The following AOAH variants were observed in gnomAD, a reference collection of about 807,000 sequenced individuals.
AOAH encodes acyloxyacyl hydrolase.
AOAH carries 64 observed loss-of-function variants against 92.2 expected under a neutral mutation model. The observed-to-expected ratio is 0.69, with a 90% CI of 0.57 to 0.86. The LOEUF (loss-of-function observed/expected upper bound fraction) is 0.86, where lower values mean the gene tolerates loss of function less well. Ranked by LOEUF, AOAH falls within the 40% of genes least tolerant of loss-of-function variation. The probability of loss-of-function intolerance (pLI) is 0.00; values close to 1 mark genes in which losing one functional copy is unlikely to be tolerated. For missense variants in AOAH, 656 were observed against 694.6 expected, an observed-to-expected ratio of 0.94 and a Z score of 0.62; for synonymous variants, 263 against 254.5, an observed-to-expected ratio of 1.03 and a Z score of -0.32.
At chr7:36,624,442 G>A (rs1792490684) in intron 6 of AOAH, among the ~76,000 whole-genome samples, 1 of 152,206 alleles carries the variant, frequency 6.6e-6, no homozygotes, top group African/African-American at 2.4e-5. Flanking sequence ...TATGAACTCT[G>A]GGATGGGACA....
At chr7:36,722,280 C>T (rs1004480595) in intron 1 of AOAH, among the ~76,000 whole-genome samples, 1 of 152,144 alleles carries the variant, frequency 6.6e-6, no homozygotes, top group Non-Finnish European at 1.5e-5. Context: ...CTCCCCAACA[C>T]CTCCTTCTTA....
chr7:36,608,432 G>A (rs1325468820), intron 11 of AOAH, among the ~76,000 whole-genome samples: 2 of 152,222 alleles, frequency 1.3e-5, no homozygotes, highest in African/African-American at 4.8e-5. Flanking sequence ...AGAAATATTG[G>A]TGGTGGGAAG....
At position 36,724,139 on chromosome 7, in the gene AOAH, G is replaced by A; in HGVS notation, c.10C>T (p.Pro4Ser). 6.2e-7 allele frequency: 1 copy of A among 1,613,208 alleles called. No homozygotes were observed. Among genetic ancestry groups the A allele is most frequent in the Non-Finnish European group, 8.5e-7 (1 of 1,179,450 alleles). ...GGCGCCACCGTAAGGATTTTCCAGG[G>A]GGACTGCATCTCCGAGCTATGCACC... MQS[P>S]WKILTVAPLF... The change falls in exon 1 of 21, where the codon CCC becomes TCC. Residue 4 changes from proline to serine, a missense_variant. Pro to Ser is a moderately conservative substitution (Grantham distance 74, BLOSUM62 -1). Transcript: ENST00000617537.
At chr7:36,608,741 G>A (rs928915849) in intron 11 of AOAH, among the ~76,000 whole-genome samples, 9 of 152,290 alleles carry the variant, frequency 5.9e-5, no homozygotes, top group South Asian at 4.2e-4. Flanking sequence ...TTGGCATGTG[G>A]CTATCAGTAG....
chr7:36,601,686 C>A (rs1429516950), intron 11 of AOAH, among the ~76,000 whole-genome samples: 1 of 152,196 alleles, frequency 6.6e-6, no homozygotes, highest in Non-Finnish European at 1.5e-5. Context: ...GCATTAAGGG[C>A]AGTCCAGAGT....
intron 1 of AOAH, among the ~76,000 whole-genome samples, chr7:36,716,151 A>C: frequency 6.6e-6 from 1 of 152,240 alleles, no homozygotes; most frequent in Admixed American, 6.5e-5. Context: ...CAACCCCATC[A>C]AAAAGTGGGC....
At chr7:36,605,525 T>C (rs1326550975) in intron 11 of AOAH, among the ~76,000 whole-genome samples, 2 of 152,230 alleles carry the variant, frequency 1.3e-5, no homozygotes, top group Non-Finnish European at 2.9e-5. Context: ...TGCCTCCTGA[T>C]ACAGAAGTCT....
chr7:36,526,235 A>G (rs553014900), intron 19 of AOAH, among the ~76,000 whole-genome samples: 2 of 152,080 alleles, frequency 1.3e-5, no homozygotes, highest in Non-Finnish European at 2.9e-5. Flanking sequence ...TAAGACTACA[A>G]CCTGTTTATT....
intron 14 of AOAH, 53 bp from the exon 15 acceptor site, chr7:36,548,739 G>T (rs879142289): frequency 8.5e-6 from 13 of 1,521,428 alleles, no homozygotes; most frequent in African/African-American, 1.4e-5. Flanking sequence ...ACCTAGCTTT[G>T]TAGCCAGTGA....
At position 36,621,754 on chromosome 7, in the gene AOAH, C is replaced by A; in HGVS notation, c.609G>T (p.Gly203=). The A allele has an allele frequency of 6.2e-7, 1 of 1,614,158 alleles. No individual in the cohort carries two copies. Among genetic ancestry groups the A allele is most frequent in the South Asian group, 1.1e-5 (1 of 91,090 alleles). The change falls in exon 8 of 21, where the codon GGG becomes GGT. Residue 203 remains glycine, a synonymous_variant. Transcript: ENST00000617537. Reference sequence around the variant, plus strand: ...ACTCGTCGCTGTCATTACAGTCTCTCCCCCGCCAGTGATAGCCCCGCAGTG... The same window carrying A: ...ACTCGTCGCTGTCATTACAGTCTCTACCCCGCCAGTGATAGCCCCGCAGTG... ...FPTLRGYHWR[G]RDCNDSDESV...
intron 3 of AOAH, among the ~76,000 whole-genome samples, chr7:36,673,485 C>T (rs1295581229): frequency 5.3e-5 from 8 of 151,698 alleles, no homozygotes; most frequent in African/African-American, 7.3e-5. Flanking sequence ...TGCAGTGAGC[C>T]GAGATCACAC....
Position 36,513,092 on chromosome 7 carries a change from C to T in AOAH, c.*160G>A. The T allele has an allele frequency of 6.3e-7, 1 of 1,583,958 alleles. No homozygotes were observed. The highest frequency in any genetic ancestry group is 8.5e-7 in the Non-Finnish European group (1 of 1,170,970). On this transcript the variant is annotated 3_prime_UTR_variant, in exon 21 of 21. Transcript: ENST00000617537. Reference sequence around the variant, plus strand: ...GGAGCACACAGCATTGCACAGTCGTCCAGATATGCTCTTCATTGAGAGAAA... The same window carrying T: ...GGAGCACACAGCATTGCACAGTCGTTCAGATATGCTCTTCATTGAGAGAAA...
chr7:36,531,842 T>TTGTGTG (rs3837108), intron 18 of AOAH, among the ~76,000 whole-genome samples: 12,621 of 150,562 alleles, frequency 0.084, 638 homozygotes, highest in African/African-American at 0.11. Context: ...CTTTAAGAGG[T>TTGTGTG]TGTGTGTGTG....
intron 4 of AOAH, among the ~76,000 whole-genome samples, chr7:36,646,854 A>C (rs1375954301): frequency 2.0e-5 from 3 of 152,208 alleles, no homozygotes; most frequent in Admixed American, 1.3e-4. Context: ...GCTTACCCAG[A>C]TAATCCAGGA....
intron 14 of AOAH, among the ~76,000 whole-genome samples, chr7:36,548,927 T>C (rs10275819): frequency 0.38 from 57,529 of 152,136 alleles, 11,352 homozygotes; most frequent in Middle Eastern, 0.48. Flanking sequence ...TTGAAAAGAA[T>C]GGATTGAGGT....
chr7:36,610,179 A>T (rs1048866735), intron 11 of AOAH, among the ~76,000 whole-genome samples: 3 of 149,618 alleles, frequency 2.0e-5, no homozygotes, highest in Non-Finnish European at 4.4e-5. Flanking sequence ...AAAAAAAAAA[A>T]AGAATCGGTT....
In AOAH at chr7:36,659,744, C is replaced by CTTT. The variant is rs1289708744; in HGVS notation, c.291-482_291-480dup. The stretch of plus-strand genomic sequence containing the variant: ...ATTCTATTCCCTTATAAACATATTT[C>CTTT]TTTTTTCTTTCTTTTTTTTTTTTTT... On this transcript the variant is annotated intron_variant, in intron 3 of 20. Transcript: ENST00000617537. 2.8e-5 allele frequency among the ~76,000 whole-genome samples: 4 copies of CTTT among 141,540 alleles called. No homozygotes were observed. The Admixed American group carries it at 2.9e-4, about 10-fold the overall frequency. The allele number at this position is 141,540 out of a possible 152,430, so 92.9% of individuals were successfully genotyped here.
chr7:36,646,884 C>A (rs1398765801), intron 4 of AOAH, among the ~76,000 whole-genome samples: 3 of 152,204 alleles, frequency 2.0e-5, no homozygotes, highest in Non-Finnish European at 4.4e-5. Context: ...CATCTAAAAT[C>A]CTTAACTACA....
chr7:36,637,757 C>T (rs1481986533), intron 5 of AOAH, 94 bp downstream of exon 5: 11 of 1,133,732 alleles, frequency 9.7e-6, no homozygotes, highest in African/African-American at 4.6e-5. Flanking sequence ...GGCTTATATC[C>T]GGAGTAGTCC....
Sources: gnomAD v4.1 joint callset for allele counts (sites outside exome capture counted in the v4.1 genomes callset) on GRCh38, gnomAD v4.1.1 for gene constraint, MANE v1.5 for transcripts, NCBI Gene and HGNC (gene_info 2026-07-23, HGNC 2026-07-21) for gene names.